NLGN1: variants seen among roughly 807,000 people sequenced by gnomAD.
The protein encoded by NLGN1 is neuroligin 1, also known as neuroligin-1.
A neutral mutation model predicts 65.5 loss-of-function variants in NLGN1; 12 were observed. That is an observed-to-expected ratio of 0.18 (90% confidence interval 0.12 to 0.30). NLGN1 has a LOEUF of 0.30. Ranked by LOEUF, NLGN1 falls within the 10% of genes least tolerant of loss-of-function variation. The pLI is 1.00. For missense variants in NLGN1, 750 were observed against 1,007.1 expected, an observed-to-expected ratio of 0.74 and a Z score of 3.46; for synonymous variants, 350 against 359.5, an observed-to-expected ratio of 0.97 and a Z score of 0.30.
intron 4 of NLGN1, among the ~76,000 whole-genome samples, chr3:174,080,922 GGTGTGTGTGTGT>G (rs571057944): frequency 1.6e-3 from 219 of 141,272 alleles, no homozygotes; most frequent in Non-Finnish European, 2.7e-3. Flanking sequence ...TGACATTCCT[GGTGTGTGTGTGT>G]GTGTGTGTGT....
chr3:174,036,853 T>C (rs1458403492), intron 4 of NLGN1, among the ~76,000 whole-genome samples: 1 of 152,138 alleles, frequency 6.6e-6, no homozygotes, highest in African/African-American at 2.4e-5. Context: ...ACATGCAGTA[T>C]TTGGTTTTCT....
Position 173,413,570 on chromosome 3 carries a change from A to C in NLGN1, c.-390+15083A>C, listed in dbSNP as rs547236774. Among the ~76,000 whole-genome samples, 3 of 152,118 alleles carry C rather than the reference A, an allele frequency of 2.0e-5. No individual in the cohort carries two copies. The East Asian group carries it at 5.8e-4, about 29-fold the overall frequency. On this transcript the variant is annotated intron_variant, in intron 1 of 6. Coordinates refer to ENST00000457714, the Ensembl canonical transcript of NLGN1. ...AGCTGACATCATGCCACTGTACTCC[A>C]GCCTGGGTGACAGAGCAAGACTCCA...
chr3:173,701,961 C>T (rs1446701437), intron 3 of NLGN1, among the ~76,000 whole-genome samples: 4 of 152,240 alleles, frequency 2.6e-5, no homozygotes, highest in African/African-American at 9.6e-5. Context: ...AGTTTTCGGC[C>T]GGGCGCGGTG....
At chr3:173,481,347 A>G (rs186481100) in intron 2 of NLGN1, among the ~76,000 whole-genome samples, 531 of 152,164 alleles carry the variant, frequency 3.5e-3, no homozygotes, top group Non-Finnish European at 5.3e-3. Flanking sequence ...AAAGGAAACT[A>G]AATATTACAC....
At chr3:173,619,577 C>T (rs1217880331) in intron 3 of NLGN1, among the ~76,000 whole-genome samples, 1 of 152,128 alleles carries the variant, frequency 6.6e-6, no homozygotes, top group East Asian at 1.9e-4. Context: ...TATTAACTTA[C>T]TTAATCTTCA....
intron 4 of NLGN1, among the ~76,000 whole-genome samples, chr3:174,225,524 G>A (rs997906394): frequency 2.6e-5 from 4 of 152,156 alleles, no homozygotes; most frequent in Non-Finnish European, 5.9e-5. Flanking sequence ...GAGGTCAGGA[G>A]ATCAAGACCA....
intron 4 of NLGN1, among the ~76,000 whole-genome samples, chr3:174,026,057 G>C (rs1209435433): frequency 6.6e-6 from 1 of 152,068 alleles, no homozygotes; most frequent in Non-Finnish European, 1.5e-5. Context: ...GAATGTATTT[G>C]ATACTAATAA....
At chr3:173,517,685 A>G (rs1316028336) in intron 2 of NLGN1, among the ~76,000 whole-genome samples, 1 of 151,844 alleles carries the variant, frequency 6.6e-6, no homozygotes, top group Admixed American at 6.6e-5. Flanking sequence ...TATGTATGTG[A>G]TTCTTTAAAA....
exon 7 of NLGN1, chr3:174,281,252 T>C (rs767853984): frequency 3.1e-6 from 5 of 1,612,766 alleles, no homozygotes; most frequent in Middle Eastern, 1.6e-4. Flanking sequence ...AGAACAATAC[T>C]CTGCCCCATC....
intron 4 of NLGN1, among the ~76,000 whole-genome samples, chr3:173,878,199 G>A (rs1278013794): frequency 6.6e-5 from 10 of 151,864 alleles, no homozygotes; most frequent in African/African-American, 2.2e-4. Context: ...ATGCCACCAC[G>A]CCTGGCTAAT....
chr3:173,634,581 T>C (rs542267282), intron 3 of NLGN1, among the ~76,000 whole-genome samples: 2 of 152,190 alleles, frequency 1.3e-5, no homozygotes, highest in Non-Finnish European at 2.9e-5. Context: ...GACTAATTTG[T>C]AATATATATG....
chr3:173,452,212 T>C (rs1377141927), intron 2 of NLGN1, among the ~76,000 whole-genome samples: 2 of 151,970 alleles, frequency 1.3e-5, no homozygotes, highest in Non-Finnish European at 2.9e-5. Context: ...CTTTTTTTTT[T>C]TGAGATGGAG....
chr3:173,582,931 A>G (rs1380467180), intron 2 of NLGN1, among the ~76,000 whole-genome samples: 16 of 152,168 alleles, frequency 1.1e-4, no homozygotes. Flanking sequence ...CATACATGTG[A>G]AGTTGCAATC....
At chr3:174,111,439 A>G (rs1052224307) in intron 4 of NLGN1, among the ~76,000 whole-genome samples, 3 of 151,912 alleles carry the variant, frequency 2.0e-5, no homozygotes, top group Non-Finnish European at 4.4e-5. Context: ...AAGGTTGGCA[A>G]TTATTTCACA....
intron 4 of NLGN1, among the ~76,000 whole-genome samples, chr3:173,885,363 G>A (rs1734137685): frequency 6.6e-6 from 1 of 151,968 alleles, no homozygotes; most frequent in Non-Finnish European, 1.5e-5. Context: ...GAAACTCAAA[G>A]TAGCTGTGCT....
At chr3:174,200,471 C>T (rs1322753612) in intron 4 of NLGN1, among the ~76,000 whole-genome samples, 3 of 152,112 alleles carry the variant, frequency 2.0e-5, no homozygotes, top group African/African-American at 7.2e-5. Flanking sequence ...GTGCATGAAG[C>T]TCTTTTTAAA....
chr3:173,919,579 C>T (rs1217005427), intron 4 of NLGN1, among the ~76,000 whole-genome samples: 1 of 152,116 alleles, frequency 6.6e-6, no homozygotes, highest in Non-Finnish European at 1.5e-5. Context: ...TTGAAATAAG[C>T]CTGGCCAATT....
At chr3:173,798,911 C>T (rs557846891) in intron 3 of NLGN1, among the ~76,000 whole-genome samples, 2 of 151,856 alleles carry the variant, frequency 1.3e-5, no homozygotes, top group African/African-American at 4.8e-5. Flanking sequence ...CCTCTGTTTT[C>T]TGGGATTGTG....
At chr3:174,034,843 T>C (rs183440212) in intron 4 of NLGN1, among the ~76,000 whole-genome samples, 39 of 152,260 alleles carry the variant, frequency 2.6e-4, no homozygotes, top group Admixed American at 1.0e-3. Context: ...ATATCAATAA[T>C]CATTTTGTGA....
Sources: allele counts gnomAD v4.1 joint callset (sites outside exome capture counted in the v4.1 genomes callset), GRCh38; gene constraint gnomAD v4.1.1; transcripts MANE v1.5; gene names NCBI Gene and HGNC (gene_info 2026-07-23, HGNC 2026-07-21).